The following AGBL1 variants were observed in gnomAD, a reference collection of about 807,000 sequenced individuals.
AGBL1 encodes the protein cytosolic carboxypeptidase 4.
AGBL1 carries 130 observed loss-of-function variants against 118.9 expected under a neutral mutation model. The observed-to-expected ratio is 1.09, with a 90% CI of 0.95 to 1.26. AGBL1 has a LOEUF of 1.26. AGBL1 is among the 50% of genes most tolerant of loss of function. The pLI, the probability that AGBL1 is intolerant of heterozygous loss-of-function variation, is 0.00. For missense variants in AGBL1, 1,584 were observed against 1,298.1 expected (o/e 1.22, Z -3.38); for synonymous variants, 555 against 478.9 (o/e 1.16, Z -2.08).
rs141935014 is a variant in AGBL1, at chr15:86,502,173, C to A, written c.2556-20637C>A. Among the ~76,000 whole-genome samples the A allele has an allele frequency of 1.5e-3, 226 of 151,426 alleles. 3 individuals carry two copies. The highest frequency in any genetic ancestry group is 5.2e-3 in the African/African-American group (215 of 41,398). ...TTACACTTCTTTGGTTAAATTTATTCCTAAGTATTTTATTCTTTTTAATGC... is the reference window on the plus strand; with the variant it reads ...TTACACTTCTTTGGTTAAATTTATTACTAAGTATTTTATTCTTTTTAATGC... On this transcript the variant is annotated intron_variant, in intron 18 of 22. Coordinates refer to ENST00000614907, the MANE Select transcript of AGBL1 (RefSeq NM_001386094.1).
Position 86,754,507 on chromosome 15 carries a change from G to A in AGBL1, c.3158+80071G>A, listed in dbSNP as rs547535559. On this transcript the variant is annotated intron_variant, in intron 22 of 22. Coordinates refer to ENST00000614907, the MANE Select transcript of AGBL1 (RefSeq NM_001386094.1). Reference sequence around the variant, plus strand: ...GCATGGTTGGGGTTCTTGGCAAGAAGAGAGTACACATGTCAACTCTTTTGT... The same window carrying A: ...GCATGGTTGGGGTTCTTGGCAAGAAAAGAGTACACATGTCAACTCTTTTGT... 9.9e-5 allele frequency among the ~76,000 whole-genome samples: 15 copies of A among 152,182 alleles called. No homozygotes were observed. The East Asian group carries it at 2.5e-3, about 26-fold the overall frequency.
chr15:86,896,249 GTGTC>G (rs2080124251), intron 22 of AGBL1, among the ~76,000 whole-genome samples: 1 of 151,918 alleles, frequency 6.6e-6, no homozygotes, highest in Admixed American at 6.6e-5. Context: ...AAGTTCGTGA[GTGTC>G]TGCTTTTGCT....
Position 86,299,538 on chromosome 15 carries a change from A to T in AGBL1, c.2374+4130A>T, listed in dbSNP as rs559329997. On this transcript the variant is annotated intron_variant, in intron 17 of 22. Transcript: ENST00000614907. ...ACAGAATCCAAGAAAATGGAACAGG[A>T]GCTCCAACAGGTTGGAGCAGAAGAT... Among the ~76,000 whole-genome samples, 4 of 152,182 alleles carry T rather than the reference A, an allele frequency of 2.6e-5. No individual in the cohort carries two copies. In the East Asian group the frequency reaches 7.7e-4, roughly 29 times the overall value.
At chr15:86,441,276 G>A (rs1214441569) in intron 18 of AGBL1, among the ~76,000 whole-genome samples, 1 of 152,100 alleles carries the variant, frequency 6.6e-6, no homozygotes, top group Non-Finnish European at 1.5e-5. Flanking sequence ...TTAAACTAGT[G>A]AAGTCCGAAT....
chr15:86,759,513 A>G (rs1163004294), intron 22 of AGBL1, among the ~76,000 whole-genome samples: 1 of 152,166 alleles, frequency 6.6e-6, no homozygotes, highest in Non-Finnish European at 1.5e-5. Flanking sequence ...TATATAATTA[A>G]GAGATTAATA....
chr15:86,827,413 A>ACG (rs2079034740), intron 22 of AGBL1, among the ~76,000 whole-genome samples: 1 of 7,118 alleles, frequency 1.4e-4, no homozygotes, highest in African/African-American at 1.1e-3. Flanking sequence ...ATATATGTGT[A>ACG]TATATATATA....
chr15:86,826,707 A>T (rs1381273714), intron 22 of AGBL1, among the ~76,000 whole-genome samples: 1 of 152,174 alleles, frequency 6.6e-6, no homozygotes, highest in African/African-American at 2.4e-5. Flanking sequence ...CTAACACAGT[A>T]AGAAATGCAC....
chr15:86,488,074 C>T (rs2082734393), intron 18 of AGBL1, among the ~76,000 whole-genome samples: 2 of 152,038 alleles, frequency 1.3e-5, no homozygotes, highest in Admixed American at 6.6e-5. Flanking sequence ...GGTTTCCAGT[C>T]ATATTGGCCC....
chr15:86,102,363 T>G (rs1194536133), intron 1 of AGBL1, among the ~76,000 whole-genome samples: 1 of 152,116 alleles, frequency 6.6e-6, no homozygotes, highest in Non-Finnish European at 1.5e-5. Flanking sequence ...TTTATTTGTG[T>G]GTTTGCTCTG....
chr15:86,954,164 C>A (rs2080907175), intron 23 of AGBL1, among the ~76,000 whole-genome samples: 1 of 152,082 alleles, frequency 6.6e-6, no homozygotes, highest in Non-Finnish European at 1.5e-5. Context: ...GGTGAGGCTG[C>A]AGAGAAAAGG....
intron 17 of AGBL1, among the ~76,000 whole-genome samples, chr15:86,338,205 A>C (rs974006844): frequency 6.6e-6 from 1 of 152,166 alleles, no homozygotes; most frequent in Admixed American, 6.5e-5. Context: ...AGACTTGGAG[A>C]ACTCTTCTTG....
At chr15:86,488,532 A>T (rs1045808279) in intron 18 of AGBL1, among the ~76,000 whole-genome samples, 1 of 152,060 alleles carries the variant, frequency 6.6e-6, no homozygotes, top group East Asian at 1.9e-4. Flanking sequence ...GATAAAATCT[A>T]TGGGGTCACA....
intron 17 of AGBL1, chr15:86,296,238 CAAAA>C (rs375059520): frequency 7.3e-6 from 1 of 136,332 alleles, no homozygotes; most frequent in Non-Finnish European, 1.6e-5. Flanking sequence ...AACAAAAAAA[CAAAA>C]AAAAAACACC....
At chr15:86,735,653 G>GATATATATATAT (rs1460820444) in intron 22 of AGBL1, among the ~76,000 whole-genome samples, 12,097 of 142,664 alleles carry the variant, frequency 0.085, 606 homozygotes, top group Non-Finnish European at 0.1. Context: ...GCTACAAAGA[G>GATATATATATAT]AGATATATAT....
chr15:86,538,365 TG>T (rs542223570), intron 19 of AGBL1, among the ~76,000 whole-genome samples: 93 of 152,330 alleles, frequency 6.1e-4, no homozygotes, highest in African/African-American at 1.9e-3. Flanking sequence ...TAGGACTGGA[TG>T]TTGCTGATGA....
At chr15:86,585,549 T>C (rs1365567260) in intron 21 of AGBL1, among the ~76,000 whole-genome samples, 1 of 152,086 alleles carries the variant, frequency 6.6e-6, no homozygotes, top group African/African-American at 2.4e-5. Flanking sequence ...TATTTTTTTA[T>C]AGAGATATGT....
intron 23 of AGBL1, among the ~76,000 whole-genome samples, chr15:86,960,945 G>C (rs185607766): frequency 6.6e-6 from 1 of 152,168 alleles, no homozygotes; most frequent in East Asian, 1.9e-4. Context: ...GGGGCAGATG[G>C]GGAGTGGTTG....
chr15:86,623,766 A>G (rs535088452), intron 21 of AGBL1, among the ~76,000 whole-genome samples: 2 of 152,336 alleles, frequency 1.3e-5, no homozygotes, highest in South Asian at 4.1e-4. Context: ...CACAAATGAC[A>G]TGACAGTGAT....
intron 23 of AGBL1, among the ~76,000 whole-genome samples, chr15:86,972,858 A>AT (rs2081124188): frequency 6.6e-6 from 1 of 151,464 alleles, no homozygotes; most frequent in African/African-American, 2.4e-5. Context: ...AATTTTTCTG[A>AT]GTTTTTTTTC....
Sources: gnomAD v4.1 joint callset for allele counts (sites outside exome capture counted in the v4.1 genomes callset) on GRCh38, gnomAD v4.1.1 for gene constraint, MANE v1.5 for transcripts, NCBI Gene and HGNC (gene_info 2026-07-23, HGNC 2026-07-21) for gene names.